FIBCD1: variants seen among roughly 807,000 people sequenced by gnomAD.
The protein encoded by FIBCD1 is fibrinogen C domain-containing protein 1.
Under a neutral mutation model 45.1 loss-of-function variants are expected in FIBCD1, and 47 were observed. That is an observed-to-expected ratio of 1.04 (90% CI 0.82 to 1.33). The LOEUF (loss-of-function observed/expected upper bound fraction) is 1.33, where lower values mean the gene tolerates loss of function less well. Ranked by LOEUF, FIBCD1 falls within the 40% of genes most tolerant of loss-of-function variation. FIBCD1 has a pLI of 0.00. For missense variants in FIBCD1, 653 were observed against 682.2 expected, an observed-to-expected ratio of 0.96 and a Z score of 0.48; for synonymous variants, 313 against 308.1, an observed-to-expected ratio of 1.02 and a Z score of -0.17.
upstream of FIBCD1, chr9:130,939,265 C>A (rs917193540): frequency 6.6e-6 from 1 of 152,166 alleles, no homozygotes; most frequent in African/African-American, 2.4e-5. Flanking sequence ...CCGGCCGGTT[C>A]GGCGTCTCCG....
At chr9:130,920,820 A>G (rs1832248497) in intron 4 of FIBCD1, among the ~76,000 whole-genome samples, 1 of 152,076 alleles carries the variant, frequency 6.6e-6, no homozygotes, top group African/African-American at 2.4e-5. Context: ...GGGGCTCCCC[A>G]TCCCTGGCAC....
chr9:130,925,260 GC>G (rs1281784079), intron 2 of FIBCD1, among the ~76,000 whole-genome samples: 1 of 152,188 alleles, frequency 6.6e-6, no homozygotes, highest in Non-Finnish European at 1.5e-5. Context: ...AGAAACTGAG[GC>G]CCCGAAAGAG....
At chr9:130,910,156 C>T (rs1026095693) in intron 5 of FIBCD1, among the ~76,000 whole-genome samples, 2 of 152,192 alleles carry the variant, frequency 1.3e-5, no homozygotes, top group African/African-American at 2.4e-5. Context: ...CTGCGTGCGG[C>T]GCTTGCGGGC....
chr9:130,930,711 G>C (rs1832436355), intron 1 of FIBCD1: 2 of 454,698 alleles, frequency 4.4e-6, no homozygotes, highest in Admixed American at 4.7e-5. Context: ...CAGCCAGACG[G>C]GACAGGGCTC....
At chr9:130,907,696 G>A (rs547993897) in intron 5 of FIBCD1, among the ~76,000 whole-genome samples, 277 of 152,234 alleles carry the variant, frequency 1.8e-3, no homozygotes, top group South Asian at 6.4e-3. Context: ...TCAGGAGTTC[G>A]AGACCAGCCT....
At chr9:130,930,983 C>G (rs1357215698) in intron 1 of FIBCD1, among the ~76,000 whole-genome samples, 3 of 152,162 alleles carry the variant, frequency 2.0e-5, no homozygotes, top group African/African-American at 7.2e-5. Flanking sequence ...TTCTGTCCTG[C>G]TGTTCTCCAG....
At chr9:130,932,457 C>A (rs951016700) in intron 1 of FIBCD1, among the ~76,000 whole-genome samples, 5 of 152,228 alleles carry the variant, frequency 3.3e-5, no homozygotes, top group African/African-American at 9.6e-5. Context: ...GGGCTCCACG[C>A]ATCAAGACAA....
At chr9:130,936,566 G>C (rs1832523815) in intron 1 of FIBCD1, among the ~76,000 whole-genome samples, 1 of 152,270 alleles carries the variant, frequency 6.6e-6, no homozygotes, top group South Asian at 2.1e-4. Context: ...AGCAGCAGAG[G>C]AAGGCGGGGC....
At position 130,912,684 on chromosome 9, in the gene FIBCD1, GT is replaced by G. The variant is rs1272427514; in HGVS notation, c.850-797del. 4.6e-5 allele frequency among the ~76,000 whole-genome samples: 7 copies of G among 150,738 alleles called. No individual in the cohort carries two copies. The South Asian group carries it at 1.0e-3, about 23-fold the overall frequency. On this transcript the variant is annotated intron_variant, in intron 4 of 6. Transcript: ENST00000372338. ...ATCATGCCACTACACTCCAGCCTGG[GT>G]GATAGAGCAAAACTGTCTGAAAAAA...
At chr9:130,932,889 G>A (rs1037984503) in intron 1 of FIBCD1, among the ~76,000 whole-genome samples, 3 of 152,180 alleles carry the variant, frequency 2.0e-5, no homozygotes, top group Admixed American at 6.5e-5. Context: ...GGAGCCCGTC[G>A]GGAGACACCT....
chr9:130,933,641 T>C (rs915635737), intron 1 of FIBCD1, among the ~76,000 whole-genome samples: 1 of 146,922 alleles, frequency 6.8e-6, no homozygotes, highest in African/African-American at 2.5e-5. Context: ...CAGCCCCCGG[T>C]GGTGTCTCAG....
chr9:130,904,154 G>A lies in FIBCD1; in HGVS notation c.1296C>T (p.Ala432=), dbSNP rs375591186. 53 of 1,613,592 alleles carry A rather than the reference G, an allele frequency of 3.3e-5. 1 individual carries two copies. Among genetic ancestry groups the A allele is most frequent in the African/African-American group, 6.7e-5 (5 of 75,054 alleles). The stretch of plus-strand genomic sequence containing the variant: ...TCCAGGAGGACCACTCCACGCCGTC[G>A]GCATAGGAGGCGTGCGCACCGCGCA... ...QYLRGAHASY[A]DGVEWSSWTG... Residue 432 remains alanine (A), a synonymous_variant, in exon 7 of 7, where the codon GCC becomes GCT. Transcript: ENST00000372338.
chr9:130,928,879 G>A (rs533718443), intron 2 of FIBCD1, among the ~76,000 whole-genome samples: 3 of 152,118 alleles, frequency 2.0e-5, no homozygotes, highest in Admixed American at 6.5e-5. Flanking sequence ...CAGATGAGAC[G>A]ATCCCAAATC....
intron 1 of FIBCD1, among the ~76,000 whole-genome samples, chr9:130,936,008 C>T (rs749513730): frequency 6.6e-6 from 1 of 152,160 alleles, no homozygotes; most frequent in African/African-American, 2.4e-5. Context: ...GAGAGGAGAC[C>T]GGGACACAGC....
chr9:130,912,864 C>G (rs1832086807), intron 4 of FIBCD1, among the ~76,000 whole-genome samples: 1 of 152,066 alleles, frequency 6.6e-6, no homozygotes, highest in African/African-American at 2.4e-5. Context: ...AGTCTATCCT[C>G]CAGTTTTTAA....
At chr9:130,940,512 G>A (rs1832605393), upstream of FIBCD1, among the ~76,000 whole-genome samples, 1 of 152,250 alleles carries the variant, frequency 6.6e-6, no homozygotes, top group Admixed American at 6.5e-5. Context: ...GTCAGCAGGT[G>A]ATCTAGAGGG....
intron 4 of FIBCD1, among the ~76,000 whole-genome samples, chr9:130,912,188 G>A (rs895416639): frequency 7.9e-5 from 12 of 152,122 alleles, no homozygotes; most frequent in Admixed American, 2.0e-4. Context: ...CGGAATCCCA[G>A]CAAGGAAGGC....
At chr9:130,911,185 C>T (rs112715282) in intron 5 of FIBCD1, among the ~76,000 whole-genome samples, 11,458 of 152,274 alleles carry the variant, frequency 0.075, 751 homozygotes, top group African/African-American at 0.18. Context: ...CAGTTTCACT[C>T]CTGAGCCAGC....
At chr9:130,914,877 G>C (rs1356948432) in intron 4 of FIBCD1, among the ~76,000 whole-genome samples, 1 of 152,204 alleles carries the variant, frequency 6.6e-6, no homozygotes, top group Admixed American at 6.5e-5. Context: ...GACTCAGCTC[G>C]GGGGCTGCGT....
Sources: allele counts gnomAD v4.1 joint callset (sites outside exome capture counted in the v4.1 genomes callset), GRCh38; gene constraint gnomAD v4.1.1; transcripts MANE v1.5; gene names NCBI Gene and HGNC (gene_info 2026-07-23, HGNC 2026-07-21).